The following RNLS variants were observed in gnomAD, a reference collection of about 807,000 sequenced individuals.
RNLS encodes the protein renalase, FAD dependent amine oxidase, also known as renalase.
Under a neutral mutation model 39.8 loss-of-function variants are expected in RNLS, and 39 were observed. The ratio of observed to expected loss-of-function variants is 0.98; its 90% CI spans 0.76 to 1.28. The LOEUF (loss-of-function observed/expected upper bound fraction) is 1.28, where lower values mean the gene tolerates loss of function less well. RNLS is among the 50% of genes most tolerant of loss of function. The probability of loss-of-function intolerance (pLI) is 0.00; values close to 1 mark genes in which losing one functional copy is unlikely to be tolerated. For synonymous variants in RNLS, 147 were observed against 150.7 expected (o/e 0.98, Z 0.18); for missense variants, 410 against 413.3 (o/e 0.99, Z 0.07).
chr10:88,177,950 G>A, the RNLS span, among the ~76,000 whole-genome samples: 4 of 152,184 alleles, frequency 2.6e-5, no homozygotes, highest in East Asian at 7.7e-4. Flanking sequence ...TAGCACATGT[G>A]GGCATGCAGC....
chr10:88,545,469 A>G lies in RNLS; in HGVS notation c.526+27434T>C, dbSNP rs964183609. ...AGGCATGACTTACGTGGTGGCAGGCAAGACAGCATATGTACAACTGCCCTT... is the reference window on the plus strand; with the variant it reads ...AGGCATGACTTACGTGGTGGCAGGCGAGACAGCATATGTACAACTGCCCTT... On this transcript the variant is annotated intron_variant, in intron 4 of 6. Transcript: ENST00000331772. The G allele has an allele frequency of 3.1e-5, 14 of 456,172 alleles. No individual in the cohort carries two copies. In the Admixed American group the frequency reaches 3.3e-4, roughly 11 times the overall value. The allele number at this position is 456,172 out of a possible 1,614,324, so 28.3% of individuals were successfully genotyped here.
At chr10:88,355,656 G>A (rs1024462586) in intron 5 of RNLS, among the ~76,000 whole-genome samples, 2 of 152,188 alleles carry the variant, frequency 1.3e-5, no homozygotes, top group Non-Finnish European at 2.9e-5. Flanking sequence ...CTACTCGGGG[G>A]TCAGGGGCCC....
intron 4 of RNLS, among the ~76,000 whole-genome samples, chr10:88,537,424 T>C (rs933736690): frequency 1.3e-5 from 2 of 152,192 alleles, no homozygotes; most frequent in African/African-American, 2.4e-5. Context: ...AGGAGCGCTA[T>C]TTATAATAGT....
chr10:88,191,355 G>T, the RNLS span, among the ~76,000 whole-genome samples: 9 of 151,702 alleles, frequency 5.9e-5, no homozygotes, highest in African/African-American at 2.2e-4. Flanking sequence ...TCTCTTTTTA[G>T]TTTCTTTTTT....
intron 6 of RNLS, among the ~76,000 whole-genome samples, chr10:88,287,953 TC>T (rs1459914678): frequency 1.3e-5 from 2 of 152,062 alleles, no homozygotes; most frequent in Admixed American, 6.6e-5. Flanking sequence ...ATATAAAAAC[TC>T]AAAACCCAGA....
chr10:88,430,508 A>G (rs1447232811), intron 4 of RNLS, among the ~76,000 whole-genome samples: 2 of 151,770 alleles, frequency 1.3e-5, no homozygotes, highest in Non-Finnish European at 3.0e-5. Flanking sequence ...TGTACTGTCT[A>G]ACCCCCCTAG....
chr10:88,508,362 G>A (rs976923402), intron 4 of RNLS, among the ~76,000 whole-genome samples: 4 of 152,046 alleles, frequency 2.6e-5, no homozygotes, highest in Admixed American at 6.6e-5. Flanking sequence ...TCTGTAAGAC[G>A]GGGACATTAA....
At chr10:88,222,143 G>T in the RNLS span, among the ~76,000 whole-genome samples, 1 of 152,158 alleles carries the variant, frequency 6.6e-6, no homozygotes, top group East Asian at 1.9e-4. Context: ...GAAAACTGTG[G>T]CAGGAATTAT....
chr10:88,326,621 T>C (rs563384336), intron 5 of RNLS, among the ~76,000 whole-genome samples: 27 of 152,350 alleles, frequency 1.8e-4, no homozygotes, highest in African/African-American at 6.5e-4. Context: ...ATACAGAGCA[T>C]AAAAGTGGAA....
At chr10:88,359,731 A>G (rs951383701) in intron 5 of RNLS, among the ~76,000 whole-genome samples, 1 of 152,230 alleles carries the variant, frequency 6.6e-6, no homozygotes, top group African/African-American at 2.4e-5. Flanking sequence ...TCCAATCATG[A>G]GATAATTTAT....
intron 4 of RNLS, among the ~76,000 whole-genome samples, chr10:88,533,185 G>C (rs768563697): frequency 2.0e-5 from 3 of 152,034 alleles, no homozygotes; most frequent in Non-Finnish European, 4.4e-5. Flanking sequence ...TTTCAAGTTA[G>C]AGTGCCAGTC....
chr10:88,240,333 G>A, the RNLS span, among the ~76,000 whole-genome samples: 1 of 151,914 alleles, frequency 6.6e-6, no homozygotes, highest in Admixed American at 6.6e-5. Context: ...ACTAGCTTGG[G>A]CTTTAAAAGC....
At chr10:88,394,129 T>A (rs544400957) in intron 4 of RNLS, among the ~76,000 whole-genome samples, 1 of 152,182 alleles carries the variant, frequency 6.6e-6, no homozygotes, top group Non-Finnish European at 1.5e-5. Flanking sequence ...GACATAGGCA[T>A]GGGCAAGGAC....
chr10:88,566,371 C>T (rs906150581), intron 4 of RNLS, among the ~76,000 whole-genome samples: 1 of 151,866 alleles, frequency 6.6e-6, no homozygotes, highest in African/African-American at 2.4e-5. Flanking sequence ...CTGGTCTTGC[C>T]CCACAACACT....
intron 4 of RNLS, among the ~76,000 whole-genome samples, chr10:88,469,603 T>C (rs1461329060): frequency 6.6e-6 from 1 of 152,204 alleles, no homozygotes; most frequent in African/African-American, 2.4e-5. Context: ...TTCTTTGATA[T>C]ACATATTAGC....
At chr10:88,292,036 C>A (rs1843704650) in intron 6 of RNLS, among the ~76,000 whole-genome samples, 1 of 152,074 alleles carries the variant, frequency 6.6e-6, no homozygotes, top group African/African-American at 2.4e-5. Context: ...GCCTATGGAA[C>A]TTTGAACCAA....
At chr10:88,312,300 G>A (rs1190841495) in intron 6 of RNLS, among the ~76,000 whole-genome samples, 2 of 152,172 alleles carry the variant, frequency 1.3e-5, no homozygotes, top group Non-Finnish European at 2.9e-5. Context: ...GAAGATGGGA[G>A]GGGTCTCAAG....
intron 4 of RNLS, among the ~76,000 whole-genome samples, chr10:88,427,041 A>G (rs1205269816): frequency 6.6e-6 from 1 of 152,082 alleles, no homozygotes; most frequent in African/African-American, 2.4e-5. Flanking sequence ...TTAAGCATCT[A>G]TATGTGTCTG....
intron 4 of RNLS, among the ~76,000 whole-genome samples, chr10:88,430,745 C>T (rs1855086132): frequency 6.6e-6 from 1 of 151,704 alleles, no homozygotes; most frequent in African/African-American, 2.4e-5. Flanking sequence ...CCTGCATCTA[C>T]TGGGATGATC....
Sources: gnomAD v4.1 joint callset for allele counts (sites outside exome capture counted in the v4.1 genomes callset) on GRCh38, gnomAD v4.1.1 for gene constraint, MANE v1.5 for transcripts, NCBI Gene and HGNC (gene_info 2026-07-23, HGNC 2026-07-21) for gene names.